The following LAIR1 variants were observed in gnomAD, a reference collection of about 807,000 sequenced individuals.
The protein encoded by LAIR1 is leukocyte associated immunoglobulin like receptor 1.
In LAIR1, 24 loss-of-function variants were observed where a neutral mutation model predicts 32.8. The observed-to-expected ratio is 0.73, with a 90% confidence interval of 0.53 to 1.03. The LOEUF (loss-of-function observed/expected upper bound fraction) is 1.03, where lower values mean the gene tolerates loss of function less well. LAIR1 is among the 50% of genes least tolerant of loss of function. The pLI, the probability that LAIR1 is intolerant of heterozygous loss-of-function variation, is 0.00. For synonymous variants in LAIR1, 150 were observed against 140.5 expected (o/e 1.07, Z -0.48); for missense variants, 355 against 347.5 (o/e 1.02, Z -0.17).
upstream of LAIR1, among the ~76,000 whole-genome samples, chr19:54,371,324 A>C (rs1453455919): frequency 6.6e-6 from 1 of 151,270 alleles, no homozygotes; most frequent in East Asian, 1.9e-4. Context: ...GTATTTATTT[A>C]TTTAAGGTGG....
Position 54,360,949 on chromosome 19 carries a change from C to T in LAIR1, c.331G>A (p.Glu111Lys). 6.2e-7 allele frequency: 1 copy of T among 1,614,178 alleles called. No individual in the cohort carries two copies. Among genetic ancestry groups the T allele is most frequent in the Non-Finnish European group, 8.5e-7 (1 of 1,180,038 alleles). The change falls in exon 3 of 10, where the codon GAG (glutamate) becomes AAG (lysine). Residue 111 changes from glutamate (E) to lysine (K), a missense_variant. Glu to Lys is a moderately conservative substitution (Grantham distance 56). Coordinates refer to ENST00000391742, the MANE Select transcript of LAIR1 (RefSeq NM_002287.6). ...AGCAGCTCCAGGTAGTCACTCTGCTCAGACCATTTAGGGGGCTTATAATAG... is the reference window on the plus strand; with the variant it reads ...AGCAGCTCCAGGTAGTCACTCTGCTTAGACCATTTAGGGGGCTTATAATAG... Reference protein sequence around the residue: ...CIYYKPPKWSEQSDYLELLVK... With the variant: ...CIYYKPPKWSKQSDYLELLVK...
At chr19:54,375,651 C>A in the LAIR1 span, among the ~76,000 whole-genome samples, 2 of 152,102 alleles carry the variant, frequency 1.3e-5, no homozygotes, top group Non-Finnish European at 2.9e-5. Context: ...CTGCCTTCGC[C>A]CCATTCACAA....
At chr19:54,369,182 T>C (rs1182081483), upstream of LAIR1, among the ~76,000 whole-genome samples, 5 of 151,504 alleles carry the variant, frequency 3.3e-5, no homozygotes, top group African/African-American at 1.2e-4. Context: ...CAGGCTTTCT[T>C]TGGATTTCAT....
At chr19:54,360,756 G>C in intron 3 of LAIR1, 160 bp downstream of exon 3, 1 of 650,186 alleles carries the variant, frequency 1.5e-6, no homozygotes. Context: ...TGAGGGCAGA[G>C]GGGAGGTGTG....
At position 54,355,346 on chromosome 19, in the gene LAIR1, C is replaced by T. The variant is rs1601259806; in HGVS notation, c.786G>A (p.Arg262=). The T allele has an allele frequency of 1.9e-6, 3 of 1,613,332 alleles. No individual in the cohort carries two copies. In the Admixed American group the frequency reaches 5.0e-5, roughly 27 times the overall value. ...ACTGTGGGGACACAGCCCGGGCTGT[C>T]CTCTGTGTGAGGGCCCAGTGGTCCA... ...AQLDHWALTQ[R]TARAVSPQST... The change falls in exon 10 of 10, where the codon AGG becomes AGA. Residue 262 remains arginine, a synonymous_variant. Coordinates refer to ENST00000391742, the MANE Select transcript of LAIR1 (RefSeq NM_002287.6). This position sits in a 1 kb window ranked among gnomAD's most constrained non-coding sequence, Gnocchi z 4.7.
rs758324984 is a variant in LAIR1 at position 54,364,840 on chromosome 19, G to T, written c.-36C>A. 1 of 1,613,942 alleles carries T rather than the reference G, an allele frequency of 6.2e-7. No homozygotes were observed. Among genetic ancestry groups the T allele is most frequent in the Non-Finnish European group, 8.5e-7 (1 of 1,179,904 alleles). ...CCAGCAGTGCAGCCTGGCCTGAGGC[G>T]CACCAATGCAAGGACAGAACTCTGC... On this transcript the variant is annotated 5_prime_UTR_variant, in exon 1 of 10. Transcript: ENST00000391742. This position sits in a 1 kb window ranked among gnomAD's most constrained non-coding sequence, Gnocchi z 4.8.
At chr19:54,367,933 C>T (rs1351543204), upstream of LAIR1, among the ~76,000 whole-genome samples, 6 of 150,284 alleles carry the variant, frequency 4.0e-5, no homozygotes, top group African/African-American at 9.8e-5. Context: ...CCACCACGCC[C>T]GGCTAATTTT....
At position 54,356,212 on chromosome 19, in the gene LAIR1, C is replaced by T. The variant is rs1329379252; in HGVS notation, c.664+18G>A. ...CCACTTCCCCATCCCAGGCCTGTCC[C>T]TCCTCCTCCCCCTTTACCTGCTGTC... On this transcript the variant is annotated intron_variant, in intron 8 of 9. Transcript: ENST00000391742. The T allele has an allele frequency of 1.6e-5, 26 of 1,610,484 alleles. No individual in the cohort carries two copies. Among genetic ancestry groups the T allele is most frequent in the Non-Finnish European group, 2.0e-5 (24 of 1,177,940 alleles).
upstream of LAIR1, among the ~76,000 whole-genome samples, chr19:54,367,542 C>T (rs191439716): frequency 3.3e-5 from 5 of 151,894 alleles, no homozygotes; most frequent in East Asian, 5.9e-4. Flanking sequence ...GTCAGGAGAT[C>T]GAGACCATCC....
At chr19:54,371,899 G>A (rs1207433895), upstream of LAIR1, among the ~76,000 whole-genome samples, 6 of 151,556 alleles carry the variant, frequency 4.0e-5, no homozygotes, top group Non-Finnish European at 8.8e-5. Context: ...ATCAGACAGT[G>A]GATACGCCAT....
chr19:54,370,496 C>T, exon 1 of LAIR1: 1 of 430,330 alleles, frequency 2.3e-6, no homozygotes, highest in Admixed American at 4.0e-5. Flanking sequence ...GTCCTCCTTT[C>T]CCTTCCAGGG....
chr19:54,359,633 A>G (rs1231007844), intron 4 of LAIR1, among the ~76,000 whole-genome samples: 1 of 152,264 alleles, frequency 6.6e-6, no homozygotes, highest in African/African-American at 2.4e-5. Context: ...AGCTCGGGCG[A>G]GCCCGGAAGT....
At chr19:54,375,477 G>A (rs2082483979), upstream of LAIR1, among the ~76,000 whole-genome samples, 1 of 152,174 alleles carries the variant, frequency 6.6e-6, no homozygotes, top group South Asian at 2.1e-4. Flanking sequence ...CCTGTGACTG[G>A]GGTAAAGGAG....
upstream of LAIR1, among the ~76,000 whole-genome samples, chr19:54,369,200 C>A (rs2082344093): frequency 6.6e-6 from 1 of 151,282 alleles, no homozygotes; most frequent in Non-Finnish European, 1.5e-5. Flanking sequence ...CATCATCTTT[C>A]CACTAACGTT....
upstream of LAIR1, among the ~76,000 whole-genome samples, chr19:54,373,298 G>C (rs1037593551): frequency 6.6e-6 from 1 of 151,566 alleles, no homozygotes; most frequent in Non-Finnish European, 1.5e-5. Context: ...CAAAAAGTTA[G>C]CTGGGCGTGG....
upstream of LAIR1, among the ~76,000 whole-genome samples, chr19:54,375,143 A>T (rs1601358344): frequency 6.6e-6 from 1 of 152,196 alleles, no homozygotes. Context: ...GCTTGGGCAG[A>T]CAATGCCGTC....
At chr19:54,368,746 C>G, upstream of LAIR1, 1 of 151,424 alleles carries the variant, frequency 6.6e-6, no homozygotes, top group East Asian at 1.9e-4. Context: ...CTCTTGTTGC[C>G]CAGGCTGGAG....
chr19:54,357,059 C>G, intron 4 of LAIR1, 93 bp from the exon 5 acceptor site: 1 of 1,220,118 alleles, frequency 8.2e-7, no homozygotes, highest in Non-Finnish European at 1.2e-6. Flanking sequence ...GGGGATCTCC[C>G]TTCACTCCCC....
intron 2 of LAIR1, among the ~76,000 whole-genome samples, chr19:54,363,670 G>A (rs1283122811): frequency 4.6e-5 from 7 of 152,314 alleles, no homozygotes; most frequent in Admixed American, 3.9e-4. Flanking sequence ...ACCAGAGGAC[G>A]TTAGGCTAAG....
Sources: gnomAD v4.1 joint callset for allele counts (sites outside exome capture counted in the v4.1 genomes callset) on GRCh38, gnomAD v4.1.1 for gene constraint, Gnocchi (gnomAD v3.1) non-coding constraint, MANE v1.5 for transcripts, NCBI Gene and HGNC (gene_info 2026-07-23, HGNC 2026-07-21) for gene names.